ESR2: variants seen among roughly 807,000 people sequenced by gnomAD.
The protein encoded by ESR2 is estrogen receptor beta.
In ESR2, 36 loss-of-function variants were observed where a neutral mutation model predicts 49.6. The observed-to-expected ratio is 0.73, with a 90% CI of 0.56 to 0.96. ESR2 has a LOEUF of 0.96. Ranked by LOEUF, ESR2 falls within the 40% of genes least tolerant of loss-of-function variation. The pLI, the probability that ESR2 is intolerant of heterozygous loss-of-function variation, is 0.00. For missense variants in ESR2, 714 were observed against 693.0 expected (o/e 1.03, Z -0.34); for synonymous variants, 320 against 266.1 (o/e 1.20, Z -1.97).
chr14:64,255,676 G>A (rs1230779855), intron 6 of ESR2, among the ~76,000 whole-genome samples: 2 of 152,188 alleles, frequency 1.3e-5, no homozygotes, highest in African/African-American at 4.8e-5. Flanking sequence ...TCCCTCAAAG[G>A]GGGCAGGAAG....
chr14:64,296,817 T>C (rs1352479111), upstream of ESR2, among the ~76,000 whole-genome samples: 1 of 152,164 alleles, frequency 6.6e-6, no homozygotes, highest in Non-Finnish European at 1.5e-5. Context: ...CTGCAGGAAA[T>C]AATAAGCAGA....
At chr14:64,305,239 C>G (rs548337232) in intron 1 of ESR2, among the ~76,000 whole-genome samples, 1 of 138,744 alleles carries the variant, frequency 7.2e-6, no homozygotes, top group African/African-American at 2.8e-5. Context: ...TGCACTGAGC[C>G]GAGATCGTGC....
upstream of ESR2, among the ~76,000 whole-genome samples, chr14:64,295,347 C>A (rs904664989): frequency 6.6e-6 from 1 of 152,142 alleles, no homozygotes; most frequent in Non-Finnish European, 1.5e-5. Flanking sequence ...CAGTACCAGC[C>A]TCAGCTGTTT....
At chr14:64,227,527 A>G (rs773209202), downstream of ESR2, 2 of 1,614,168 alleles carry the variant, frequency 1.2e-6, no homozygotes, top group South Asian at 2.2e-5. Flanking sequence ...CGAGTTGATT[A>G]GAGGGTCACT....
chr14:64,258,451 T>C (rs2076149370), intron 5 of ESR2, among the ~76,000 whole-genome samples: 1 of 152,142 alleles, frequency 6.6e-6, no homozygotes, highest in South Asian at 2.1e-4. Flanking sequence ...TGGACTCTGG[T>C]TCGAACCCCA....
At chr14:64,270,515 A>C (rs535777846) in intron 3 of ESR2, among the ~76,000 whole-genome samples, 8 of 147,056 alleles carry the variant, frequency 5.4e-5, no homozygotes, top group Non-Finnish European at 9.1e-5. Context: ...TGAAAAGGTA[A>C]TTTTTTTTTT....
chr14:64,291,883 A>T (rs1457870562), intron 1 of ESR2, among the ~76,000 whole-genome samples: 1 of 152,186 alleles, frequency 6.6e-6, no homozygotes, highest in Non-Finnish European at 1.5e-5. Flanking sequence ...AATCTCAGGT[A>T]TAATGAAAAG....
rs79575168 is a variant in ESR2 at position 64,325,053 on chromosome 14, G to C, written c.-91+12845C>G. 1.3e-3 allele frequency among the ~76,000 whole-genome samples: 195 copies of C among 152,232 alleles called. 3 individuals carry two copies. In the East Asian group the frequency reaches 0.034, roughly 27 times the overall value. ...AGGGTAGGATATATTCTGGTTTTAG[G>C]GATACACTTTGGTTTTAGGAGATAT... On this transcript the variant is annotated intron_variant, in intron 1 of 8. Coordinates refer to the ESR2 transcript ENST00000358599.
upstream of ESR2, chr14:64,338,113 T>C (rs142119488): frequency 0.012 from 1,860 of 155,030 alleles, 36 homozygotes; most frequent in Middle Eastern, 0.061. Flanking sequence ...AACTGGCATC[T>C]AGCTTATGAA....
chr14:64,246,411 T>C (rs2075856916), intron 7 of ESR2, among the ~76,000 whole-genome samples: 1 of 152,098 alleles, frequency 6.6e-6, no homozygotes, highest in Non-Finnish European at 1.5e-5. Context: ...GGTATCTTGC[T>C]TCCTCTTCAC....
intron 1 of ESR2, among the ~76,000 whole-genome samples, chr14:64,292,218 T>C (rs1407388566): frequency 1.4e-5 from 2 of 145,982 alleles, no homozygotes; most frequent in Non-Finnish European, 3.0e-5. Context: ...GAAAAACAGG[T>C]TTTTCTTTCA....
intron 1 of ESR2, among the ~76,000 whole-genome samples, chr14:64,311,819 A>C (rs1027236009): frequency 1.3e-5 from 2 of 152,022 alleles, no homozygotes; most frequent in African/African-American, 4.8e-5. Flanking sequence ...TCTAAAAAAA[A>C]ACAAAAACAA....
At chr14:64,263,022 T>A (rs565577584) in intron 4 of ESR2, among the ~76,000 whole-genome samples, 11 of 152,248 alleles carry the variant, frequency 7.2e-5, no homozygotes, top group Middle Eastern at 6.8e-3. Context: ...AGAAAATACA[T>A]AATAAAATTT....
intron 1 of ESR2, among the ~76,000 whole-genome samples, chr14:64,324,321 G>A (rs1268410842): frequency 6.6e-6 from 1 of 152,128 alleles, no homozygotes; most frequent in Non-Finnish European, 1.5e-5. Flanking sequence ...ATATGGGAAA[G>A]GGCATGTTTT....
rs551529823 is a variant in ESR2, at chr14:64,271,556, G to A, written c.536-2645C>T. Among the ~76,000 whole-genome samples, 6 of 152,282 alleles carry A rather than the reference G, an allele frequency of 3.9e-5. No homozygotes were observed. In the East Asian group the frequency reaches 1.2e-3, roughly 29 times the overall value. ...GCCCAAGCTGGTCTCGAACTCCTGA[G>A]CTCAGGCAATCTGCCTGCCTCGACC... On this transcript the variant is annotated intron_variant, in intron 3 of 8. Transcript: ENST00000341099.
At chr14:64,281,585 A>C (rs185022424) in intron 2 of ESR2, among the ~76,000 whole-genome samples, 1 of 152,314 alleles carries the variant, frequency 6.6e-6, no homozygotes, top group East Asian at 1.9e-4. Context: ...ATAATATTTG[A>C]AAGTAGTGAA....
At chr14:64,299,225 T>C (rs2076994870), upstream of ESR2, among the ~76,000 whole-genome samples, 2 of 152,004 alleles carry the variant, frequency 1.3e-5, no homozygotes, top group South Asian at 4.1e-4. Context: ...CATAGTTTAA[T>C]ATTTCAAAAA....
intron 6 of ESR2, among the ~76,000 whole-genome samples, chr14:64,250,519 A>G (rs75027286): frequency 0.019 from 2,892 of 151,936 alleles, 76 homozygotes; most frequent in East Asian, 0.087. Context: ...CCCCCAAAAC[A>G]CTCTATTATT....
intron 3 of ESR2, among the ~76,000 whole-genome samples, chr14:64,270,178 A>G (rs2076411447): frequency 6.6e-6 from 1 of 152,354 alleles, no homozygotes; most frequent in South Asian, 2.1e-4. Context: ...TGATAAATGA[A>G]ATGAGCAAGT....
Sources: gnomAD v4.1 joint callset for allele counts (sites outside exome capture counted in the v4.1 genomes callset) on GRCh38, gnomAD v4.1.1 for gene constraint, MANE v1.5 for transcripts, NCBI Gene and HGNC (gene_info 2026-07-23, HGNC 2026-07-21) for gene names.